ADAMTS12: variants seen among roughly 807,000 people sequenced by gnomAD.
ADAMTS12 encodes the protein A disintegrin and metalloproteinase with thrombospondin motifs 12.
Under a neutral mutation model 167.8 loss-of-function variants are expected in ADAMTS12, and 118 were observed. That is an observed-to-expected ratio of 0.70 (90% CI 0.61 to 0.82). ADAMTS12 has a LOEUF of 0.82. Among genes scored for constraint, ADAMTS12 ranks in the 40% least tolerant of loss-of-function variants. The probability of loss-of-function intolerance (pLI) is 0.00; values close to 1 mark genes in which losing one functional copy is unlikely to be tolerated. For missense variants in ADAMTS12, 1,916 were observed against 1,998.8 expected (o/e 0.96, Z 0.79); for synonymous variants, 704 against 716.9 (o/e 0.98, Z 0.29).
At chr5:33,632,911 G>A (rs1003829211) in intron 12 of ADAMTS12, among the ~76,000 whole-genome samples, 3 of 152,128 alleles carry the variant, frequency 2.0e-5, no homozygotes, top group Non-Finnish European at 4.4e-5. Flanking sequence ...GCAACGGAAT[G>A]TTTATTCAGA....
intron 3 of ADAMTS12, among the ~76,000 whole-genome samples, chr5:33,722,058 T>G (rs1437893995): frequency 6.6e-6 from 1 of 152,178 alleles, no homozygotes; most frequent in African/African-American, 2.4e-5. Context: ...CTTTATAACT[T>G]GACATAAAAG....
intron 2 of ADAMTS12, among the ~76,000 whole-genome samples, chr5:33,811,270 GTC>G (rs1425298269): frequency 6.6e-6 from 1 of 152,210 alleles, no homozygotes; most frequent in East Asian, 1.9e-4. Context: ...CCCCCAGGGA[GTC>G]TGTATAAAGG....
chr5:33,699,447 G>A (rs957620176), intron 3 of ADAMTS12, among the ~76,000 whole-genome samples: 3 of 151,700 alleles, frequency 2.0e-5, no homozygotes, highest in Admixed American at 1.3e-4. Flanking sequence ...ACCATAAAAC[G>A]TAAAATTATA....
chr5:33,530,896 C>T (rs1402503481), intron 23 of ADAMTS12, among the ~76,000 whole-genome samples: 1 of 152,188 alleles, frequency 6.6e-6, no homozygotes, highest in Non-Finnish European at 1.5e-5. Context: ...TGGAAGTCCT[C>T]ACCCTTTGTA....
intron 5 of ADAMTS12, among the ~76,000 whole-genome samples, chr5:33,666,084 C>G (rs1428334773): frequency 2.0e-5 from 3 of 152,230 alleles, no homozygotes; most frequent in Non-Finnish European, 4.4e-5. Context: ...AGCCTCTAAG[C>G]TCAGTCCTGC....
intron 3 of ADAMTS12, among the ~76,000 whole-genome samples, chr5:33,743,346 A>T (rs981015170): frequency 7.9e-5 from 12 of 152,220 alleles, no homozygotes; most frequent in Non-Finnish European, 1.5e-4. Context: ...AGTGGACTGG[A>T]TGAGAATTTG....
intron 3 of ADAMTS12, among the ~76,000 whole-genome samples, chr5:33,714,570 C>A (rs1244578420): frequency 1.3e-5 from 2 of 151,642 alleles, no homozygotes; most frequent in African/African-American, 4.8e-5. Flanking sequence ...AACAGATGAA[C>A]AGATAAAGAA....
At chr5:33,652,525 A>G (rs956058523) in intron 7 of ADAMTS12, among the ~76,000 whole-genome samples, 3 of 152,028 alleles carry the variant, frequency 2.0e-5, no homozygotes, top group African/African-American at 7.2e-5. Context: ...GATTCTCGAT[A>G]TTAGTCCTTT....
intron 10 of ADAMTS12, 57 bp downstream of exon 10, chr5:33,643,321 C>A: frequency 1.3e-6 from 2 of 1,576,388 alleles, no homozygotes; most frequent in South Asian, 1.1e-5. Flanking sequence ...CTCCTCAGCT[C>A]CTCCCAAGAA....
At chr5:33,560,732 G>A (rs1393270853) in intron 20 of ADAMTS12, among the ~76,000 whole-genome samples, 1 of 130,102 alleles carries the variant, frequency 7.7e-6, no homozygotes, top group Non-Finnish European at 1.6e-5. Flanking sequence ...AGAACACATG[G>A]ACACAGGAAG....
chr5:33,613,400 G>A (rs909819967), intron 16 of ADAMTS12, among the ~76,000 whole-genome samples: 1 of 152,136 alleles, frequency 6.6e-6, no homozygotes, highest in Non-Finnish European at 1.5e-5. Context: ...CTCCTCAAAT[G>A]TCCACGTACC....
At chr5:33,793,546 T>G (rs1746657535) in intron 2 of ADAMTS12, among the ~76,000 whole-genome samples, 1 of 152,242 alleles carries the variant, frequency 6.6e-6, no homozygotes, top group Non-Finnish European at 1.5e-5. Context: ...CTAGTCACAT[T>G]TTTTAAATTG....
chr5:33,743,639 G>A (rs1027764156), intron 3 of ADAMTS12, among the ~76,000 whole-genome samples: 4 of 152,122 alleles, frequency 2.6e-5, no homozygotes, highest in African/African-American at 9.7e-5. Context: ...GTGAGTGTGG[G>A]AGCTCGCTGA....
chr5:33,631,001 A>G (rs1739902950), intron 12 of ADAMTS12, 88 bp from the exon 13 acceptor site: 3 of 1,503,352 alleles, frequency 2.0e-6, no homozygotes, highest in East Asian at 2.3e-5. Flanking sequence ...AGGACCCCCA[A>G]GTGTCATTTA....
intron 3 of ADAMTS12, among the ~76,000 whole-genome samples, chr5:33,743,033 C>T (rs1744650875): frequency 6.6e-6 from 1 of 152,208 alleles, no homozygotes; most frequent in Non-Finnish European, 1.5e-5. Flanking sequence ...GAAGGCTTCT[C>T]TGGGTATTTT....
intron 5 of ADAMTS12, among the ~76,000 whole-genome samples, chr5:33,674,637 C>T (rs1741834227): frequency 6.6e-6 from 1 of 152,118 alleles, no homozygotes; most frequent in African/African-American, 2.4e-5. Context: ...GTATGCATAG[C>T]ATACACTTGG....
At chr5:33,608,339 A>C (rs570976164) in intron 16 of ADAMTS12, among the ~76,000 whole-genome samples, 1 of 152,354 alleles carries the variant, frequency 6.6e-6, no homozygotes, top group East Asian at 1.9e-4. Flanking sequence ...GTAGATGAAG[A>C]CAGAGTTCGA....
intron 22 of ADAMTS12, among the ~76,000 whole-genome samples, chr5:33,540,192 G>A (rs1446498316): frequency 2.0e-5 from 3 of 152,268 alleles, no homozygotes; most frequent in African/African-American, 4.8e-5. Context: ...CACTCACGGA[G>A]CCTTGCTCAT....
intron 2 of ADAMTS12, among the ~76,000 whole-genome samples, chr5:33,827,040 C>A (rs1365909490): frequency 1.3e-5 from 2 of 151,440 alleles, no homozygotes; most frequent in Non-Finnish European, 2.9e-5. Context: ...AGTTCATCCA[C>A]AAAAATTAAT....
Sources: allele counts gnomAD v4.1 joint callset (sites outside exome capture counted in the v4.1 genomes callset), GRCh38; gene constraint gnomAD v4.1.1; transcripts MANE v1.5; gene names NCBI Gene and HGNC (gene_info 2026-07-23, HGNC 2026-07-21).